The following CSMD1 variants were observed in gnomAD, a reference collection of about 807,000 sequenced individuals.
The protein encoded by CSMD1 is CUB and Sushi multiple domains 1, also known as CUB and sushi domain-containing protein 1.
Under a neutral mutation model 417.5 loss-of-function variants are expected in CSMD1, and 213 were observed. The ratio of observed to expected loss-of-function variants is 0.51; its 90% confidence interval spans 0.46 to 0.57. The LOEUF (loss-of-function observed/expected upper bound fraction) is 0.57, where lower values mean the gene tolerates loss of function less well. Ranked by LOEUF, CSMD1 falls within the 20% of genes least tolerant of loss-of-function variation. CSMD1 has a pLI of 0.00. For missense variants in CSMD1, 6,923 were observed against 4,529.7 expected (o/e 1.53, Z -15.17); for synonymous variants, 2,862 against 1,736.8 (o/e 1.65, Z -16.11).
intron 23 of CSMD1, among the ~76,000 whole-genome samples, chr8:3,335,136 C>T (rs901898455): frequency 1.3e-5 from 2 of 152,252 alleles, no homozygotes; most frequent in Non-Finnish European, 2.9e-5. Flanking sequence ...GGTGGTTGGA[C>T]ATCCTACACC....
intron 5 of CSMD1, among the ~76,000 whole-genome samples, chr8:3,848,075 C>CTG (rs1803633317): frequency 7.2e-6 from 1 of 138,820 alleles, no homozygotes; most frequent in Non-Finnish European, 1.6e-5. Context: ...ATATTTCTCT[C>CTG]TCTCTCTCTC....
chr8:3,228,805 T>G (rs1487047568), intron 27 of CSMD1, among the ~76,000 whole-genome samples: 1 of 151,362 alleles, frequency 6.6e-6, no homozygotes, highest in Non-Finnish European at 1.5e-5. Context: ...CCTTTCCTAC[T>G]GTAAAAGTAG....
intron 46 of CSMD1, among the ~76,000 whole-genome samples, chr8:3,104,974 G>C (rs1816029635): frequency 6.6e-6 from 1 of 152,158 alleles, no homozygotes; most frequent in South Asian, 2.1e-4. Context: ...ACAGAATGCT[G>C]GGATTACAGG....
At chr8:3,594,443 T>C (rs1360705801) in intron 8 of CSMD1, among the ~76,000 whole-genome samples, 6 of 152,106 alleles carry the variant, frequency 3.9e-5, no homozygotes, top group African/African-American at 1.4e-4. Flanking sequence ...ATATGTGTTA[T>C]GGATTAAAAA....
chr8:3,384,566 T>C (rs1053013165), intron 18 of CSMD1, among the ~76,000 whole-genome samples: 7 of 150,096 alleles, frequency 4.7e-5, no homozygotes, highest in Admixed American at 1.3e-4. Flanking sequence ...TTCTCAAAAA[T>C]ATATTTCGTA....
intron 1 of CSMD1, among the ~76,000 whole-genome samples, chr8:4,748,459 G>A (rs950178669): frequency 6.6e-6 from 1 of 152,194 alleles, no homozygotes; most frequent in African/African-American, 2.4e-5. Context: ...AAGTAAGGGT[G>A]AAACTCTGGA....
At chr8:3,357,270 G>C (rs879723094) in intron 21 of CSMD1, among the ~76,000 whole-genome samples, 7 of 152,344 alleles carry the variant, frequency 4.6e-5, no homozygotes, top group East Asian at 3.9e-4. Context: ...GGTGGTTAAA[G>C]GCTGAGTTGC....
At chr8:4,208,894 A>G (rs1310877455) in intron 3 of CSMD1, among the ~76,000 whole-genome samples, 1 of 152,136 alleles carries the variant, frequency 6.6e-6, no homozygotes, top group African/African-American at 2.4e-5. Context: ...AGATTTTCTT[A>G]AATTTCTTTT....
At chr8:3,091,844 A>T (rs1048174896) in intron 47 of CSMD1, among the ~76,000 whole-genome samples, 182 bp from the exon 48 acceptor site, 5 of 152,234 alleles carry the variant, frequency 3.3e-5, no homozygotes, top group Non-Finnish European at 5.9e-5. Context: ...TAAAAATAAG[A>T]CAATAATGTA....
intron 1 of CSMD1, among the ~76,000 whole-genome samples, chr8:4,650,406 G>T (rs78091920): frequency 6.8e-6 from 1 of 148,068 alleles, no homozygotes; most frequent in Admixed American, 6.8e-5. Context: ...TAACGGATTT[G>T]CCACTGTAAT....
intron 3 of CSMD1, among the ~76,000 whole-genome samples, chr8:4,137,807 C>T (rs1263152835): frequency 1.3e-5 from 1 of 77,318 alleles, no homozygotes; most frequent in Non-Finnish European, 4.0e-5. Flanking sequence ...ATTAATTTTC[C>T]CCTTACATTA....
intron 5 of CSMD1, among the ~76,000 whole-genome samples, chr8:3,970,172 T>C (rs1219712310): frequency 1.3e-5 from 2 of 149,452 alleles, no homozygotes; most frequent in African/African-American, 2.4e-5. Flanking sequence ...GGCAGTTGAA[T>C]AGGAACCTCT....
chr8:4,908,885 C>T (rs1298786428), intron 1 of CSMD1, among the ~76,000 whole-genome samples: 2 of 152,140 alleles, frequency 1.3e-5, no homozygotes, highest in Non-Finnish European at 2.9e-5. Flanking sequence ...TCTAAATTCC[C>T]TGACTGGCAA....
chr8:3,857,756 G>A (rs1284259583), intron 5 of CSMD1, among the ~76,000 whole-genome samples: 1 of 152,160 alleles, frequency 6.6e-6, no homozygotes, highest in Non-Finnish European at 1.5e-5. Context: ...GCTTCTATAG[G>A]TAAAAATGTG....
Position 3,684,822 on chromosome 8 carries a change from C to G in CSMD1, c.1009+23592G>C, listed in dbSNP as rs541172732. 1.1e-4 allele frequency among the ~76,000 whole-genome samples: 16 copies of G among 152,176 alleles called. 1 individual carries two copies. In the East Asian group the frequency reaches 2.9e-3, roughly 28 times the overall value. ...ATTCTCCTTGCTATAGATCATATTC[C>G]AAACTAGTATTTCCATCACGACTCT... On this transcript the variant is annotated intron_variant, in intron 7 of 69. Coordinates refer to ENST00000635120, the MANE Select transcript of CSMD1 (RefSeq NM_033225.6).
At chr8:4,224,740 C>T (rs953919361) in intron 3 of CSMD1, among the ~76,000 whole-genome samples, 2 of 152,180 alleles carry the variant, frequency 1.3e-5, no homozygotes, top group African/African-American at 2.4e-5. Context: ...GCTTTTGGTG[C>T]ATTCTCCCCA....
In CSMD1 at chr8:4,591,331, G is replaced by C. The variant is rs372801064; in HGVS notation, c.302+46011C>G. ...GAAGTGAGTAATTCTTTCTGGTCTA[G>C]GTCAGACAAAATTCACAGACAAACT... On this transcript the variant is annotated intron_variant, in intron 2 of 69. Coordinates refer to ENST00000635120, the MANE Select transcript of CSMD1 (RefSeq NM_033225.6). 8.5e-5 allele frequency among the ~76,000 whole-genome samples: 13 copies of C among 152,306 alleles called. No individual in the cohort carries two copies. In the East Asian group the frequency reaches 1.5e-3, roughly 18 times the overall value.
At chr8:4,561,807 G>C (rs12677365) in intron 2 of CSMD1, among the ~76,000 whole-genome samples, 80,531 of 152,076 alleles carry the variant, frequency 0.53, 22,791 homozygotes, top group East Asian at 0.66. Flanking sequence ...CAGAGGTTAT[G>C]AACATACCTG....
intron 1 of CSMD1, among the ~76,000 whole-genome samples, chr8:4,661,713 A>T (rs886687103): frequency 6.6e-6 from 1 of 152,220 alleles, no homozygotes; most frequent in African/African-American, 2.4e-5. Context: ...GTCCCAAAAT[A>T]AAAAGTTTAA....
Sources: gnomAD v4.1 joint callset for allele counts (sites outside exome capture counted in the v4.1 genomes callset) on GRCh38, gnomAD v4.1.1 for gene constraint, MANE v1.5 for transcripts, NCBI Gene and HGNC (gene_info 2026-07-23, HGNC 2026-07-21) for gene names.